Variants in DAGLA observed in about 807,000 individuals in gnomAD.
The protein encoded by DAGLA is diacylglycerol lipase-alpha.
Under a neutral mutation model 102.6 loss-of-function variants are expected in DAGLA, and 22 were observed. That is an observed-to-expected ratio of 0.21 (90% CI 0.15 to 0.31). The LOEUF is 0.31. DAGLA is among the 10% of genes least tolerant of loss of function. The pLI is 1.00. For missense variants in DAGLA, 927 were observed against 1,446.6 expected (o/e 0.64, Z 5.83); for synonymous variants, 578 against 628.9 (o/e 0.92, Z 1.21).
intron 6 of DAGLA, among the ~76,000 whole-genome samples, 193 bp downstream of exon 6, chr11:61,726,275 C>T (rs191735831): frequency 2.0e-4 from 31 of 152,340 alleles, no homozygotes; most frequent in East Asian, 1.5e-3. Flanking sequence ...CGCAGGACCA[C>T]GTCCACTTGC....
chr11:61,691,309 C>G (rs924729413), intron 1 of DAGLA, among the ~76,000 whole-genome samples: 2 of 152,306 alleles, frequency 1.3e-5, no homozygotes, highest in African/African-American at 4.8e-5. Flanking sequence ...TTATAGGAAC[C>G]CTCTGAAATT....
At position 61,734,701 on chromosome 11, in the gene DAGLA, G is replaced by C. The variant is rs774956285; in HGVS notation, c.975-148G>C. 8 of 688,414 alleles carry C rather than the reference G, an allele frequency of 1.2e-5. No individual in the cohort carries two copies. The highest frequency in any genetic ancestry group is 2.0e-5 in the Non-Finnish European group (8 of 407,594). The allele number at this position is 688,414 out of a possible 1,614,324, so 42.6% of individuals were successfully genotyped here. On this transcript the variant is annotated intron_variant, in intron 9 of 19. Transcript: ENST00000257215. This position sits in a 1 kb window ranked among gnomAD's most constrained non-coding sequence, Gnocchi z 4.2. The stretch of plus-strand genomic sequence containing the variant: ...AAGAGTGGCCAGTGGATTTGGTGAC[G>C]TGGGGGTCACTAGGACTTAGCAAGG...
chr11:61,694,060 C>T (rs2065045104), intron 1 of DAGLA, among the ~76,000 whole-genome samples: 1 of 152,254 alleles, frequency 6.6e-6, no homozygotes, highest in South Asian at 2.1e-4. Context: ...GTAATGGCTG[C>T]ATGAATGAGG....
chr11:61,727,047 C>T (rs916904498), intron 6 of DAGLA, among the ~76,000 whole-genome samples: 3 of 152,144 alleles, frequency 2.0e-5, no homozygotes, highest in Non-Finnish European at 2.9e-5. Context: ...TCTGGGTGCA[C>T]GGGCAGAGCT....
At chr11:61,689,765 A>G (rs1273323747) in intron 1 of DAGLA, among the ~76,000 whole-genome samples, 1 of 152,078 alleles carries the variant, frequency 6.6e-6, no homozygotes, top group Non-Finnish European at 1.5e-5. Context: ...CGGCCTCCCA[A>G]AGTGCTGGGT....
At chr11:61,743,433 A>G in intron 19 of DAGLA, 99 bp from the exon 20 acceptor site, 2 of 847,996 alleles carry the variant, frequency 2.4e-6, no homozygotes, top group Non-Finnish European at 3.6e-6. Context: ...AATGAACTGT[A>G]CCCTTTATTC....
Position 61,741,607 on chromosome 11 carries a change from C to CTT in DAGLA, c.2171+278_2171+279dup, listed in dbSNP as rs34881719. 1.7e-3 allele frequency among the ~76,000 whole-genome samples: 225 copies of CTT among 131,946 alleles called. 3 individuals are homozygous for CTT. Among genetic ancestry groups the CTT allele is most frequent in the African/African-American group, 3.6e-3 (127 of 35,242 alleles). The allele number at this position is 131,946 out of a possible 152,430, so 86.6% of individuals were successfully genotyped here. A position where few individuals can be genotyped will look rare whatever the true frequency, so the allele number is the denominator to read the frequency against. The stretch of plus-strand genomic sequence containing the variant: ...TGGGCCACAAAAGCACAGATTCACT[C>CTT]TTTTTTTTTTTTTTTTTTTTTGAGA... On this transcript the variant is annotated intron_variant, in intron 19 of 19. Coordinates refer to ENST00000257215, the MANE Select transcript of DAGLA (RefSeq NM_006133.3).
intron 8 of DAGLA, 48 bp downstream of exon 8, chr11:61,729,056 C>T (rs1180323206): frequency 6.5e-7 from 1 of 1,540,172 alleles, no homozygotes; most frequent in African/African-American, 1.4e-5. Flanking sequence ...ATCCCTCCCA[C>T]TCTGCCACAA....
intron 1 of DAGLA, among the ~76,000 whole-genome samples, chr11:61,709,775 G>A (rs749580303): frequency 1.3e-5 from 2 of 152,160 alleles, no homozygotes; most frequent in Admixed American, 6.5e-5. Context: ...CTTCCCCTGG[G>A]GAAAGAGCTC....
chr11:61,688,786 C>T (rs572285675), intron 1 of DAGLA, among the ~76,000 whole-genome samples: 11 of 152,330 alleles, frequency 7.2e-5, no homozygotes, highest in African/African-American at 2.4e-4. Flanking sequence ...TCAACACATG[C>T]GGAAAGCCTT....
chr11:61,739,256 T>C (rs1430454754), intron 16 of DAGLA, among the ~76,000 whole-genome samples: 1 of 152,184 alleles, frequency 6.6e-6, no homozygotes, highest in Admixed American at 6.5e-5. Context: ...TGGCACCTTA[T>C]TGGCCGTCTG....
intron 7 of DAGLA, 136 bp downstream of exon 7, chr11:61,728,423 G>T: frequency 9.0e-7 from 1 of 1,115,968 alleles, no homozygotes; most frequent in Non-Finnish European, 1.3e-6. Flanking sequence ...TTGGACCCTG[G>T]AGGTCACCTT....
intron 1 of DAGLA, among the ~76,000 whole-genome samples, chr11:61,688,314 CAAAAA>C (rs1186217122): frequency 2.7e-5 from 2 of 73,372 alleles, no homozygotes; most frequent in Admixed American, 1.6e-4. Flanking sequence ...AACTCTGTCT[CAAAAA>C]AAAAAAAAAA....
At chr11:61,743,281 C>G (rs1202745316) in intron 19 of DAGLA, among the ~76,000 whole-genome samples, 1 of 149,860 alleles carries the variant, frequency 6.7e-6, no homozygotes, top group East Asian at 2.0e-4. Context: ...AGGAGAATGG[C>G]GTGAACCCAG....
rs748248056 is a variant in DAGLA at position 61,735,734 on chromosome 11, C to T, written c.1213-5C>T. 6.2e-7 allele frequency: 1 copy of T among 1,613,392 alleles called. No homozygotes were observed. The highest frequency in any genetic ancestry group is 1.3e-5 in the African/African-American group (1 of 74,924). ...GCCCCCTCACCTGTCTCCTCTCTCCCCAAGGATGCCCTGACTGACCTGACG... is the reference window on the plus strand; with the variant it reads ...GCCCCCTCACCTGTCTCCTCTCTCCTCAAGGATGCCCTGACTGACCTGACG... On this transcript the variant is annotated splice_polypyrimidine_tract_variant and splice_region_variant and intron_variant, in intron 11 of 19. Transcript: ENST00000257215.
chr11:61,743,021 A>G (rs1468381227), intron 19 of DAGLA, among the ~76,000 whole-genome samples: 1 of 152,174 alleles, frequency 6.6e-6, no homozygotes. Context: ...TCAACCCAGC[A>G]TCAACTCTTT....
At chr11:61,728,676 A>G (rs536603886) in intron 7 of DAGLA, among the ~76,000 whole-genome samples, 74 of 152,278 alleles carry the variant, frequency 4.9e-4, no homozygotes, top group African/African-American at 1.7e-3. Flanking sequence ...CTCATACAAA[A>G]TACCTTTCGC....
intron 1 of DAGLA, among the ~76,000 whole-genome samples, chr11:61,704,179 G>T (rs914959222): frequency 6.6e-6 from 1 of 151,716 alleles, no homozygotes; most frequent in Non-Finnish European, 1.5e-5. Flanking sequence ...GAGTGCAATG[G>T]CACGATCTCG....
intron 1 of DAGLA, among the ~76,000 whole-genome samples, chr11:61,696,045 C>T (rs1315754514): frequency 4.6e-5 from 7 of 152,248 alleles, no homozygotes; most frequent in South Asian, 2.1e-4. Context: ...TCCAGGACTC[C>T]GCCCCCACTG....
Sources: gnomAD v4.1 joint callset for allele counts (sites outside exome capture counted in the v4.1 genomes callset) on GRCh38, gnomAD v4.1.1 for gene constraint, Gnocchi (gnomAD v3.1) non-coding constraint, MANE v1.5 for transcripts, NCBI Gene and HGNC (gene_info 2026-07-23, HGNC 2026-07-21) for gene names.